The following IARS1 variants were observed in gnomAD, a reference collection of about 807,000 sequenced individuals.
IARS1 encodes the protein isoleucyl-tRNA synthetase 1, also known as isoleucine--tRNA ligase, cytoplasmic.
IARS1 carries 124 observed loss-of-function variants against 168.2 expected under a neutral mutation model. That is an observed-to-expected ratio of 0.74 (90% CI 0.64 to 0.86). The LOEUF (loss-of-function observed/expected upper bound fraction) is 0.86. Among genes scored for constraint, IARS1 ranks in the 40% least tolerant of loss-of-function variants. IARS1 has a pLI of 0.00. For missense variants in IARS1, 1,452 were observed against 1,515.8 expected (o/e 0.96, Z 0.70); for synonymous variants, 532 against 529.4 (o/e 1.00, Z -0.07).
intron 12 of IARS1, 52 bp downstream of exon 12, chr9:92,270,933 G>A: frequency 7.9e-7 from 1 of 1,264,602 alleles, no homozygotes; most frequent in South Asian, 1.3e-5. Flanking sequence ...TATAGTAAGT[G>A]TAAGCACAGA....
intron 6 of IARS1, among the ~76,000 whole-genome samples, chr9:92,281,420 C>A (rs1272428952): frequency 6.6e-6 from 1 of 152,178 alleles, no homozygotes; most frequent in Non-Finnish European, 1.5e-5. Context: ...AGGCGTGAGT[C>A]ACCATGCCTG....
intron 30 of IARS1, among the ~76,000 whole-genome samples, chr9:92,236,504 ATC>A (rs1343928599): frequency 2.6e-5 from 4 of 152,194 alleles, no homozygotes; most frequent in African/African-American, 7.2e-5. Context: ...CATTAAAATT[ATC>A]TGTTTGATAT....
At chr9:92,293,538 C>T (rs1235604773) in intron 1 of IARS1, 73 bp downstream of exon 1, 1 of 517,992 alleles carries the variant, frequency 1.9e-6, no homozygotes, top group African/African-American at 2.0e-5. Flanking sequence ...TCTTGTGCTA[C>T]TGTTTCGGGG....
At chr9:92,252,276 T>C (rs1587800706) in intron 21 of IARS1, 1 of 447,170 alleles carries the variant, frequency 2.2e-6, no homozygotes, top group Non-Finnish European at 4.4e-6. Flanking sequence ...AAAAAGTATA[T>C]AATGTGTATT....
chr9:92,272,471 G>T (rs1447288496), intron 10 of IARS1, among the ~76,000 whole-genome samples: 2 of 152,216 alleles, frequency 1.3e-5, no homozygotes, highest in South Asian at 4.1e-4. Context: ...TGTTCAACAG[G>T]ATGACGCACA....
At chr9:92,254,033 T>C (rs1304057155) in intron 20 of IARS1, among the ~76,000 whole-genome samples, 1 of 152,244 alleles carries the variant, frequency 6.6e-6, no homozygotes, top group Non-Finnish European at 1.5e-5. Context: ...CCAGAGATGC[T>C]GCTCAGTTAT....
chr9:92,281,673 G>A (rs1037203518), intron 6 of IARS1, among the ~76,000 whole-genome samples: 5 of 151,746 alleles, frequency 3.3e-5, no homozygotes, highest in Non-Finnish European at 4.4e-5. Context: ...CCAACTTTAC[G>A]GAAATGTTTC....
intron 17 of IARS1, among the ~76,000 whole-genome samples, chr9:92,262,430 A>G (rs1831656547): frequency 1.3e-5 from 2 of 152,152 alleles, no homozygotes; most frequent in South Asian, 4.1e-4. Flanking sequence ...TTTTATTCTT[A>G]ATGACTAGAG....
chr9:92,283,332 C>A (rs1203626984), intron 6 of IARS1, among the ~76,000 whole-genome samples: 3 of 152,136 alleles, frequency 2.0e-5, no homozygotes, highest in Non-Finnish European at 4.4e-5. Context: ...AGTATTAGAA[C>A]TAAAAATTAA....
In IARS1 at chr9:92,256,741, T is replaced by C. The variant is rs1830782009; in HGVS notation, c.2076A>G (p.Thr692=). The change falls in exon 20 of 34, where the codon ACA becomes ACG. Residue 692 remains threonine (T), a synonymous_variant. Coordinates refer to ENST00000443024, the MANE Select transcript of IARS1 (RefSeq NM_002161.6). The part of the protein sequence containing the change: ...ENTVRESPNI[T]DRWILSFMQS... ...GCATGAAGGACAGGATCCACCGGTC[T>C]GTAATGTTGGGGCTTTCTCTAACCG... 6.2e-7 allele frequency: 1 copy of C among 1,613,854 alleles called. No homozygotes were observed. The highest frequency in any genetic ancestry group is 1.3e-5 in the African/African-American group (1 of 74,936).
At chr9:92,257,673 A>C (rs191411473) in intron 19 of IARS1, among the ~76,000 whole-genome samples, 23 of 152,342 alleles carry the variant, frequency 1.5e-4, no homozygotes, top group African/African-American at 3.6e-4. Flanking sequence ...GAACAACCAG[A>C]GCCCAAGGGG....
chr9:92,216,339 C>G (rs1295990623), intron 33 of IARS1, among the ~76,000 whole-genome samples: 3 of 151,424 alleles, frequency 2.0e-5, no homozygotes, highest in African/African-American at 7.3e-5. Flanking sequence ...TAAAGACCAT[C>G]GAGACTAGGA....
chr9:92,246,933 C>T (rs1177388351), intron 26 of IARS1, among the ~76,000 whole-genome samples: 1 of 152,188 alleles, frequency 6.6e-6, no homozygotes, highest in African/African-American at 2.4e-5. Flanking sequence ...TGGCACACAC[C>T]TGTAATCCCA....
chr9:92,265,084 T>C lies in IARS1; in HGVS notation c.1545A>G (p.Gly515=). The C allele has an allele frequency of 6.2e-7, 1 of 1,614,004 alleles. No individual in the cohort carries two copies. The highest frequency in any genetic ancestry group is 8.5e-7 in the Non-Finnish European group (1 of 1,179,980). Residue 515 remains glycine (G), a synonymous_variant, in exon 16 of 34, where the codon GGA becomes GGG. Transcript: ENST00000443024. ...HLTIPSRCGK[G]SLHRISEVFD... ...ACACTTCAGAGATGCGGTGCAAGGA[T>C]CCCTTCCCACAGCGTGAAGGAATGG...
intron 30 of IARS1, among the ~76,000 whole-genome samples, chr9:92,233,257 C>A (rs1379637381): frequency 6.6e-6 from 1 of 152,192 alleles, no homozygotes; most frequent in Non-Finnish European, 1.5e-5. Flanking sequence ...ATTCTAGTTA[C>A]CTTAAAATGC....
At chr9:92,221,325 A>G (rs1839639079) in intron 33 of IARS1, among the ~76,000 whole-genome samples, 1 of 152,184 alleles carries the variant, frequency 6.6e-6, no homozygotes, top group African/African-American at 2.4e-5. Context: ...ATGTCTGGCA[A>G]TTTTCCACAA....
At chr9:92,222,710 G>A (rs746747010) in intron 32 of IARS1, 38 bp from the exon 33 acceptor site, 1 of 1,609,678 alleles carries the variant, frequency 6.2e-7, no homozygotes, top group Non-Finnish European at 8.5e-7. Context: ...AATCTCGAGA[G>A]TTCACCCTCT....
intron 30 of IARS1, among the ~76,000 whole-genome samples, chr9:92,230,524 T>C (rs997566086): frequency 1.3e-5 from 2 of 152,354 alleles, no homozygotes; most frequent in East Asian, 3.9e-4. Context: ...TAGCCATTTA[T>C]CTGCTGAAGA....
At chr9:92,292,039 CAG>C (rs2134023573) in intron 1 of IARS1, among the ~76,000 whole-genome samples, 1 of 134,044 alleles carries the variant, frequency 7.5e-6, no homozygotes, top group Admixed American at 7.8e-5. Flanking sequence ...TTTTTTGAGA[CAG>C]TGGCTCACTC....
Sources: gnomAD v4.1 joint callset for allele counts (sites outside exome capture counted in the v4.1 genomes callset) on GRCh38, gnomAD v4.1.1 for gene constraint, MANE v1.5 for transcripts, NCBI Gene and HGNC (gene_info 2026-07-23, HGNC 2026-07-21) for gene names.